The following TIAM1 variants were observed in gnomAD, a reference collection of about 807,000 sequenced individuals.
The protein encoded by TIAM1 is rho guanine nucleotide exchange factor TIAM1.
In TIAM1, 65 loss-of-function variants were observed where a neutral mutation model predicts 163.5. That is an observed-to-expected ratio of 0.40 (90% confidence interval 0.33 to 0.49). The LOEUF is 0.49. Among genes scored for constraint, TIAM1 ranks in the 20% least tolerant of loss-of-function variants. The pLI, the probability that TIAM1 is intolerant of heterozygous loss-of-function variation, is 0.77. For synonymous variants in TIAM1, 833 were observed against 810.1 expected (o/e 1.03, Z -0.48); for missense variants, 1,789 against 2,044.7 (o/e 0.87, Z 2.41).
intron 2 of TIAM1, among the ~76,000 whole-genome samples, chr21:31,363,307 G>A (rs1414194): frequency 0.21 from 31,443 of 152,052 alleles, 3,334 homozygotes; most frequent in Middle Eastern, 0.32. Flanking sequence ...CCTAACCCCA[G>A]CCTTACCCTG....
chr21:31,221,704 G>T (rs552018040), intron 8 of TIAM1, among the ~76,000 whole-genome samples: 1 of 152,320 alleles, frequency 6.6e-6, no homozygotes, highest in East Asian at 1.9e-4. Context: ...TCCGGGTTTG[G>T]TATTAATACA....
At position 31,492,171 on chromosome 21, in the gene TIAM1, C is replaced by A. The variant is rs1343557333; in HGVS notation, c.-421-28136G>T. ...ATCTCAAGACCCCAAAATCGTTAAG[C>A]CAAGGGAGAAGTCAAGCTGGGAACT... On this transcript the variant is annotated intron_variant, in intron 1 of 28. Coordinates refer to the TIAM1 transcript ENST00000286827. Among the ~76,000 whole-genome samples, 6 of 152,082 alleles carry A rather than the reference C, an allele frequency of 3.9e-5. No individual in the cohort carries two copies. The East Asian group carries it at 9.6e-4, about 24-fold the overall frequency.
chr21:31,309,194 C>T (rs926939157), intron 2 of TIAM1, among the ~76,000 whole-genome samples: 1 of 152,158 alleles, frequency 6.6e-6, no homozygotes, highest in Non-Finnish European at 1.5e-5. Context: ...TGCGGTGGCA[C>T]AACCTGTAAT....
chr21:31,338,701 C>T (rs73902313), intron 2 of TIAM1, among the ~76,000 whole-genome samples: 5,943 of 152,200 alleles, frequency 0.039, 397 homozygotes, highest in African/African-American at 0.14. Context: ...CGTTGCACGG[C>T]GACCTCTTGA....
At chr21:31,409,024 G>C (rs2077297414) in intron 2 of TIAM1, among the ~76,000 whole-genome samples, 1 of 151,950 alleles carries the variant, frequency 6.6e-6, no homozygotes, top group Non-Finnish European at 1.5e-5. Flanking sequence ...CAGTGCGGTG[G>C]GTCCTAAGAA....
chr21:31,524,007 A>AC (rs1429464123), intron 1 of TIAM1, among the ~76,000 whole-genome samples: 2 of 143,342 alleles, frequency 1.4e-5, no homozygotes, highest in African/African-American at 4.9e-5. Flanking sequence ...ACGAAGCCAG[A>AC]CCCCAACTCA....
intron 4 of TIAM1, among the ~76,000 whole-genome samples, chr21:31,265,284 G>T (rs974617723): frequency 7.1e-6 from 1 of 141,564 alleles, no homozygotes; most frequent in African/African-American, 2.7e-5. Flanking sequence ...TCCTCCCCAC[G>T]GTTTCGTGCA....
intron 19 of TIAM1, among the ~76,000 whole-genome samples, chr21:31,151,939 C>CTGGATAA (rs897755877): frequency 2.0e-5 from 3 of 151,906 alleles, no homozygotes; most frequent in African/African-American, 7.2e-5. Context: ...TGTCTTTCCC[C>CTGGATAA]TGGATAATGA....
chr21:31,216,980 G>T (rs963120944), intron 9 of TIAM1, among the ~76,000 whole-genome samples: 10 of 152,176 alleles, frequency 6.6e-5, no homozygotes, highest in Admixed American at 2.0e-4. Flanking sequence ...GGCTGAGGCG[G>T]GTGGATCATG....
At position 31,438,179 on chromosome 21, in the gene TIAM1, C is replaced by CTTTTTTTTTTT. The variant is rs34844399; in HGVS notation, c.-369+25793_-369+25803dup. Among the ~76,000 whole-genome samples, 91 of 62,718 alleles carry CTTTTTTTTTTT rather than the reference C, an allele frequency of 1.5e-3. 9 individuals are homozygous for CTTTTTTTTTTT. Among genetic ancestry groups the CTTTTTTTTTTT allele is most frequent in the African/African-American group, 5.7e-3 (82 of 14,288 alleles). The allele number at this position is 62,718 out of a possible 152,430, so 41.1% of individuals were successfully genotyped here. ...ACATATGTAATTGCGTATTTGTGAT[C>CTTTTTTTTTTT]TTTTTTTTTTTTTTTTTTTTTTTTT... On this transcript the variant is annotated intron_variant, in intron 2 of 28. Coordinates refer to the TIAM1 transcript ENST00000286827.
intron 2 of TIAM1, among the ~76,000 whole-genome samples, chr21:31,290,163 C>T (rs2073964572): frequency 6.6e-6 from 1 of 152,068 alleles, no homozygotes; most frequent in South Asian, 2.1e-4. Context: ...TTTGAACCAA[C>T]AGAAATCTAA....
upstream of TIAM1, chr21:31,344,363 C>G (rs982744925): frequency 1.3e-5 from 2 of 152,318 alleles, no homozygotes; most frequent in African/African-American, 4.8e-5. Flanking sequence ...TCTCCGCCTC[C>G]CTCTCCAATT....
intron 1 of TIAM1, among the ~76,000 whole-genome samples, chr21:31,482,633 C>T (rs6517043): frequency 0.021 from 3,144 of 152,014 alleles, 116 homozygotes; most frequent in African/African-American, 0.071. Context: ...GAGGAGAGAG[C>T]GCAGAGTGGG....
chr21:31,142,038 A>G (rs1601252249), intron 20 of TIAM1, among the ~76,000 whole-genome samples: 1 of 152,082 alleles, frequency 6.6e-6, no homozygotes, highest in African/African-American at 2.4e-5. Flanking sequence ...AGTGCACCAC[A>G]GAGCCCGGCC....
intron 6 of TIAM1, among the ~76,000 whole-genome samples, chr21:31,244,316 G>A (rs901703600): frequency 1.2e-4 from 18 of 152,080 alleles, no homozygotes; most frequent in African/African-American, 3.9e-4. Context: ...ATATTCTTAC[G>A]GTCCTTGTCA....
chr21:31,509,562 T>C (rs547068688), intron 1 of TIAM1, among the ~76,000 whole-genome samples: 1 of 152,190 alleles, frequency 6.6e-6, no homozygotes, highest in Non-Finnish European at 1.5e-5. Flanking sequence ...ACCAGCCGTT[T>C]CATAGCATGT....
chr21:31,514,684 C>A (rs879635227), intron 1 of TIAM1, among the ~76,000 whole-genome samples: 6 of 152,058 alleles, frequency 3.9e-5, no homozygotes, highest in Admixed American at 3.9e-4. Context: ...CAAAGTGAGA[C>A]GCTTATCTCA....
intron 18 of TIAM1, 123 bp from the exon 19 acceptor site, chr21:31,152,884 A>C: frequency 7.1e-7 from 1 of 1,407,912 alleles, no homozygotes; most frequent in Non-Finnish European, 9.6e-7. Flanking sequence ...CCACTACCAG[A>C]GAGCGGGGCA....
At chr21:31,286,873 C>A (rs1485627420) in intron 2 of TIAM1, among the ~76,000 whole-genome samples, 2 of 152,130 alleles carry the variant, frequency 1.3e-5, no homozygotes, top group African/African-American at 4.8e-5. Context: ...GGTCAAAAGG[C>A]CTTGAGTCCC....
Sources: allele counts gnomAD v4.1 joint callset (sites outside exome capture counted in the v4.1 genomes callset), GRCh38; gene constraint gnomAD v4.1.1; transcripts MANE v1.5; gene names NCBI Gene and HGNC (gene_info 2026-07-23, HGNC 2026-07-21).